MYL10: variants seen among roughly 807,000 people sequenced by gnomAD.
The protein encoded by MYL10 is myosin regulatory light chain 10.
A neutral mutation model predicts 21.9 loss-of-function variants in MYL10; 18 were observed. The ratio of observed to expected loss-of-function variants is 0.82; its 90% CI spans 0.57 to 1.22. The LOEUF is 1.22. Ranked by LOEUF, MYL10 falls within the 50% of genes most tolerant of loss-of-function variation. The probability of loss-of-function intolerance (pLI) is 0.00; values close to 1 mark genes in which losing one functional copy is unlikely to be tolerated. For synonymous variants in MYL10, 88 were observed against 82.8 expected (o/e 1.06, Z -0.34); for missense variants, 225 against 230.4 (o/e 0.98, Z 0.15).
intron 1 of MYL10, among the ~76,000 whole-genome samples, chr7:101,627,795 G>GAGT (rs1338715656): frequency 5.3e-5 from 8 of 152,260 alleles, no homozygotes; most frequent in African/African-American, 1.9e-4. Flanking sequence ...CAAGGACACA[G>GAGT]AGTAAGTTGA....
rs113556810 is a variant in MYL10, at chr7:101,629,048, C to T, written c.71G>A (p.Gly24Glu). 5,593 of 445,718 alleles carry T rather than the reference C, an allele frequency of 0.013. 265 individuals are homozygous for T. Among genetic ancestry groups the T allele is most frequent in the African/African-American group, 0.1 (5,055 of 49,334 alleles). The allele number at this position is 445,718 out of a possible 1,614,324, so 27.6% of individuals were successfully genotyped here. Reference protein sequence around the residue: ...ILPPRPPKVLGLQAPRRARKR... With the variant: ...ILPPRPPKVLELQAPRRARKR... ...AGGCACAGTGGCTCATACCTGTAAT[C>T]CCAGCACTTTGGGAGGCCGAGGAGG... Residue 24 changes from glycine to glutamate, a missense_variant, in exon 1 of 8, where the codon GGA (glycine) becomes GAA (glutamate). Transcript: ENST00000223167.
intron 1 of MYL10, among the ~76,000 whole-genome samples, chr7:101,627,192 G>T (rs1251110897): frequency 2.6e-5 from 4 of 151,882 alleles, no homozygotes; most frequent in Non-Finnish European, 5.9e-5. Flanking sequence ...CCAGTTACTC[G>T]GGAGGCTGAG....
chr7:101,620,281 C>G (rs541883428), intron 5 of MYL10, among the ~76,000 whole-genome samples: 7 of 152,142 alleles, frequency 4.6e-5, no homozygotes, highest in Middle Eastern at 6.8e-3. Context: ...GCTGAGATGG[C>G]GCCATTATAC....
chr7:101,629,243 C>T lies in MYL10; in HGVS notation c.-125G>A, dbSNP rs1584544203. 3.4e-6 allele frequency: 1 copy of T among 294,316 alleles called. No individual in the cohort carries two copies. The highest frequency in any genetic ancestry group is 2.9e-5 in the South Asian group (1 of 35,042). 18.2% of individuals were successfully genotyped at this position (294,316 alleles called of 1,614,324 possible). ...GCGATGGGGGTGTGGCTCGCTTCTT[C>T]CATGCCCAGCTGCTCAAACCTCTAG... On this transcript the variant is annotated 5_prime_UTR_variant, in exon 1 of 8. Transcript: ENST00000223167.
chr7:101,613,795 T>C (rs2240390), intron 6 of MYL10, 85 bp from the exon 7 acceptor site: 509,347 of 1,318,966 alleles, frequency 0.39, 101,752 homozygotes, highest in African/African-American at 0.5. Context: ...GAGGGGCAAG[T>C]GGGGGCAGGG....
At chr7:101,615,461 C>T (rs890568745) in intron 6 of MYL10, among the ~76,000 whole-genome samples, 5 of 150,966 alleles carry the variant, frequency 3.3e-5, no homozygotes, top group African/African-American at 1.2e-4. Flanking sequence ...CCAGAGGCCC[C>T]GCCTGCCGCT....
chr7:101,616,857 G>T (rs1796615502), intron 5 of MYL10, among the ~76,000 whole-genome samples: 1 of 152,256 alleles, frequency 6.6e-6, no homozygotes, highest in African/African-American at 2.4e-5. Flanking sequence ...TGGGGCAGGT[G>T]GGCCAACAGG....
At chr7:101,616,529 C>CAT (rs1367445401) in intron 5 of MYL10, among the ~76,000 whole-genome samples, 1 of 152,218 alleles carries the variant, frequency 6.6e-6, no homozygotes, top group East Asian at 1.9e-4. Flanking sequence ...AAGGGTACCA[C>CAT]ATATATATAT....
At chr7:101,628,777 GC>G (rs1796774984) in intron 1 of MYL10, among the ~76,000 whole-genome samples, 1 of 152,232 alleles carries the variant, frequency 6.6e-6, no homozygotes, top group African/African-American at 2.4e-5. Context: ...GGGCTGGAGA[GC>G]TTAACTGTCC....
At chr7:101,627,631 G>A (rs1796762168) in intron 1 of MYL10, 1 of 152,720 alleles carries the variant, frequency 6.5e-6, no homozygotes, top group Non-Finnish European at 1.5e-5. Context: ...CCAGGCACCT[G>A]CCTTGGGCCA....
chr7:101,623,091 C>T lies in MYL10; in HGVS notation c.274-19G>A. 6.2e-7 allele frequency: 1 copy of T among 1,610,710 alleles called. No homozygotes were observed. The highest frequency in any genetic ancestry group is 1.3e-5 in the African/African-American group (1 of 74,996). ...TGAAAGCCTGGCAGAGACACAGGTG[C>T]TAAGTAGTCACCTGCCCTTCCAAGC... is the stretch of plus-strand genomic sequence containing the variant. On this transcript the variant is annotated intron_variant, in intron 3 of 7. Transcript: ENST00000223167.
intron 4 of MYL10, 63 bp downstream of exon 4, chr7:101,622,934 C>T: frequency 6.6e-7 from 1 of 1,509,478 alleles, no homozygotes; most frequent in Admixed American, 1.7e-5. Context: ...CCCTGCTGGC[C>T]CCAACCGCCC....
At chr7:101,616,171 A>G (rs755315065) in intron 6 of MYL10, 49 bp downstream of exon 6, 1 of 1,555,974 alleles carries the variant, frequency 6.4e-7, no homozygotes, top group East Asian at 2.2e-5. Flanking sequence ...CCCCAGCCCA[A>G]AGCTGGCTTA....
chr7:101,620,618 A>G (rs1294247369), intron 5 of MYL10, among the ~76,000 whole-genome samples: 1 of 152,078 alleles, frequency 6.6e-6, no homozygotes, highest in Admixed American at 6.5e-5. Context: ...AAGCAGATAA[A>G]TCTGTGCAAG....
chr7:101,617,406 G>GA (rs1283468917), intron 5 of MYL10, among the ~76,000 whole-genome samples: 6 of 152,190 alleles, frequency 3.9e-5, no homozygotes, highest in African/African-American at 1.4e-4. Flanking sequence ...GTTTATCATA[G>GA]AAAAAACAGG....
In MYL10 at chr7:101,613,614, G is replaced by T. The variant is rs200548460; in HGVS notation, c.583-41C>A. ...GAGTCAGCCTGCACCAGGCCAAGTGGGGGCCAGAGCAGAGAATCCGCCGTG... is the reference window on the plus strand; with the variant it reads ...GAGTCAGCCTGCACCAGGCCAAGTGTGGGCCAGAGCAGAGAATCCGCCGTG... On this transcript the variant is annotated intron_variant, in intron 7 of 7. Coordinates refer to ENST00000223167, the MANE Select transcript of MYL10 (RefSeq NM_138403.5). 36 of 1,613,462 alleles carry T rather than the reference G, an allele frequency of 2.2e-5. No individual in the cohort carries two copies. In the African/African-American group the frequency reaches 3.9e-4, roughly 17 times the overall value.
At chr7:101,620,099 A>T (rs1269947748) in intron 5 of MYL10, among the ~76,000 whole-genome samples, 2 of 151,992 alleles carry the variant, frequency 1.3e-5, no homozygotes, top group Admixed American at 6.6e-5. Flanking sequence ...ATATGGGCGG[A>T]TCACTTGAGG....
intron 4 of MYL10, 92 bp downstream of exon 4, chr7:101,622,905 A>T: frequency 8.5e-7 from 1 of 1,177,048 alleles, no homozygotes; most frequent in Non-Finnish European, 1.2e-6. Context: ...GGAGCCTCTC[A>T]CGCTCACCGC....
chr7:101,613,793 AG>A, intron 6 of MYL10, 83 bp from the exon 7 acceptor site: 2 of 1,330,036 alleles, frequency 1.5e-6, no homozygotes, highest in Non-Finnish European at 1.1e-6. Context: ...ATGAGGGGCA[AG>A]TGGGGGCAGG....
Sources: gnomAD v4.1 joint callset for allele counts (sites outside exome capture counted in the v4.1 genomes callset) on GRCh38, gnomAD v4.1.1 for gene constraint, MANE v1.5 for transcripts, NCBI Gene and HGNC (gene_info 2026-07-23, HGNC 2026-07-21) for gene names.